LAMA2: variants seen among roughly 807,000 people sequenced by gnomAD.
The protein encoded by LAMA2 is laminin subunit alpha 2, also known as laminin subunit alpha-2.
In LAMA2, 269 loss-of-function variants were observed where a neutral mutation model predicts 364.8. The ratio of observed to expected loss-of-function variants is 0.74; its 90% CI spans 0.67 to 0.82. LAMA2 has a LOEUF of 0.82. Among genes scored for constraint, LAMA2 ranks in the 40% least tolerant of loss-of-function variants. The pLI is 0.00. For synonymous variants in LAMA2, 1,379 were observed against 1,370.6 expected (o/e 1.01, Z -0.14); for missense variants, 3,807 against 3,873.2 (o/e 0.98, Z 0.45).
chr6:129,191,636 G>A (rs1023563900), intron 11 of LAMA2, among the ~76,000 whole-genome samples: 5 of 148,490 alleles, frequency 3.4e-5, no homozygotes, highest in African/African-American at 1.3e-4. Flanking sequence ...TATATTACTT[G>A]TTGTCCAGAA....
At chr6:129,045,875 C>G (rs984506933) in intron 1 of LAMA2, among the ~76,000 whole-genome samples, 1 of 152,148 alleles carries the variant, frequency 6.6e-6, no homozygotes, top group African/African-American at 2.4e-5. Flanking sequence ...TTACCCATAC[C>G]TGCAAAACAG....
rs34997144 is a variant in LAMA2 at position 129,492,363 on chromosome 6, T to A, written c.8124T>A (p.Gly2708=). Residue 2708 remains glycine, a synonymous_variant, in exon 58 of 65, where the codon GGT becomes GGA. Coordinates refer to ENST00000421865, the MANE Select transcript of LAMA2 (RefSeq NM_000426.4). ...RPVSFKNADI[G]RCAHQKLRED... ...TGTCCTTCAAAAATGCTGACATTGG[T>A]CGCTGTGCCCATCAGAAACTCCGTG... is the stretch of plus-strand genomic sequence containing the variant. 3.2e-3 allele frequency: 5,132 copies of A among 1,614,160 alleles called. 101 individuals carry two copies. The African/African-American group carries it at 0.052, about 16-fold the overall frequency.
intron 62 of LAMA2, among the ~76,000 whole-genome samples, chr6:129,510,134 A>T (rs1171297291): frequency 6.6e-6 from 1 of 152,188 alleles, no homozygotes; most frequent in African/African-American, 2.4e-5. Flanking sequence ...CAGTCAGACA[A>T]GAGAAAAAAG....
At chr6:129,398,098 T>C (rs17057251) in intron 37 of LAMA2, among the ~76,000 whole-genome samples, 16,321 of 152,214 alleles carry the variant, frequency 0.11, 1,482 homozygotes, top group East Asian at 0.47. Context: ...AACACACGTG[T>C]GGAAATATCT....
chr6:128,921,760 G>A (rs558004028), intron 1 of LAMA2, among the ~76,000 whole-genome samples: 219 of 149,000 alleles, frequency 1.5e-3, no homozygotes, highest in African/African-American at 5.1e-3. Context: ...ACAATGTGCC[G>A]ATTAGTTACA....
At chr6:129,118,209 T>C (rs1290556265) in intron 4 of LAMA2, among the ~76,000 whole-genome samples, 1 of 152,246 alleles carries the variant, frequency 6.6e-6, no homozygotes, top group Non-Finnish European at 1.5e-5. Flanking sequence ...AGCATTGTGC[T>C]GGAGAAGAAT....
At chr6:129,375,046 G>A (rs1778295700) in intron 34 of LAMA2, among the ~76,000 whole-genome samples, 2 of 151,940 alleles carry the variant, frequency 1.3e-5, no homozygotes, top group Admixed American at 1.3e-4. Flanking sequence ...TATACTCATT[G>A]TTTTTAAATG....
intron 1 of LAMA2, among the ~76,000 whole-genome samples, chr6:128,892,217 A>T (rs2114387514): frequency 6.6e-6 from 1 of 152,162 alleles, no homozygotes; most frequent in Admixed American, 6.5e-5. Flanking sequence ...TATTTATCTC[A>T]TTGCCAAGAG....
chr6:129,178,889 T>C (rs1237379110), intron 10 of LAMA2, among the ~76,000 whole-genome samples: 1 of 151,964 alleles, frequency 6.6e-6, no homozygotes, highest in Non-Finnish European at 1.5e-5. Context: ...ATAATAATAA[T>C]AGTTACATAA....
chr6:128,920,095 T>A (rs752110471), intron 1 of LAMA2, among the ~76,000 whole-genome samples: 1 of 152,154 alleles, frequency 6.6e-6, no homozygotes, highest in Admixed American at 6.6e-5. Flanking sequence ...CATAATGTTG[T>A]CACTGCCTAA....
intron 52 of LAMA2, among the ~76,000 whole-genome samples, chr6:129,474,608 C>T (rs1303819319): frequency 1.3e-5 from 2 of 152,086 alleles, no homozygotes; most frequent in Non-Finnish European, 2.9e-5. Flanking sequence ...CTAAGATTTG[C>T]TTTACAAGAT....
At chr6:129,328,539 T>C in intron 29 of LAMA2, 127 bp downstream of exon 29, 1 of 1,457,998 alleles carries the variant, frequency 6.9e-7, no homozygotes, top group Non-Finnish European at 9.5e-7. Context: ...ATAAAATATG[T>C]AAGGGAAAAA....
chr6:129,329,016 G>T (rs559946934), intron 29 of LAMA2, among the ~76,000 whole-genome samples: 96 of 152,030 alleles, frequency 6.3e-4, no homozygotes, highest in African/African-American at 2.1e-3. Flanking sequence ...GTTTCTGCTG[G>T]CACCCTGCAC....
At position 129,412,878 on chromosome 6, in the gene LAMA2, C is replaced by A. The variant is rs560471617; in HGVS notation, c.5865+8919C>A. On this transcript the variant is annotated intron_variant, in intron 40 of 64. Transcript: ENST00000421865. ...GTCATTGACCAGAAGTAGCCGTGTG[C>A]CCCAAGCTAACTGTAAGGGAGGTCT... 1.7e-4 allele frequency among the ~76,000 whole-genome samples: 26 copies of A among 152,162 alleles called. 1 individual carries two copies. The highest frequency in any genetic ancestry group is 3.1e-4 in the Non-Finnish European group (21 of 68,038).
In LAMA2 at chr6:128,930,660, C is replaced by T. The variant is rs193022867; in HGVS notation, c.112+47303C>T. 1.2e-3 allele frequency among the ~76,000 whole-genome samples: 179 copies of T among 152,296 alleles called. 1 individual carries two copies. Among genetic ancestry groups the T allele is most frequent in the Non-Finnish European group, 2.1e-3 (142 of 68,020 alleles). On this transcript the variant is annotated intron_variant, in intron 1 of 64. Transcript: ENST00000421865. ...GACTTTGGAGTCTGCAGTTATACAG[C>T]ATCCTAGCCTGTCCTGACTGATATG...
intron 1 of LAMA2, among the ~76,000 whole-genome samples, chr6:129,009,860 G>A (rs1479287555): frequency 6.6e-6 from 1 of 152,130 alleles, no homozygotes; most frequent in Non-Finnish European, 1.5e-5. Context: ...CATGACGGGA[G>A]TATGCTTTCT....
chr6:129,009,692 A>C (rs1784649075), intron 1 of LAMA2, among the ~76,000 whole-genome samples: 1 of 152,200 alleles, frequency 6.6e-6, no homozygotes, highest in South Asian at 2.1e-4. Flanking sequence ...TTTAAAATTT[A>C]AACCCTTGAA....
chr6:129,312,540 A>G (rs1419649272), intron 22 of LAMA2, among the ~76,000 whole-genome samples: 1 of 152,226 alleles, frequency 6.6e-6, no homozygotes, highest in Non-Finnish European at 1.5e-5. Flanking sequence ...TTTGTCTAAA[A>G]TTTAATCTTT....
Position 129,403,962 on chromosome 6 carries a change from A to G in LAMA2, c.5865+3A>G. 1 of 1,613,874 alleles carries G rather than the reference A, an allele frequency of 6.2e-7. No individual in the cohort carries two copies. The highest frequency in any genetic ancestry group is 8.5e-7 in the Non-Finnish European group (1 of 1,179,824). On this transcript the variant is annotated splice_donor_region_variant and intron_variant, in intron 40 of 64. Coordinates refer to ENST00000421865, the MANE Select transcript of LAMA2 (RefSeq NM_000426.4). Reference sequence around the variant, plus strand: ...TTGCACATGAAGCTACAAAACTGGTAAGAAACAAATGGCACATGTGCTGGG... The same window carrying G: ...TTGCACATGAAGCTACAAAACTGGTGAGAAACAAATGGCACATGTGCTGGG...
Sources: gnomAD v4.1 joint callset for allele counts (sites outside exome capture counted in the v4.1 genomes callset) on GRCh38, gnomAD v4.1.1 for gene constraint, MANE v1.5 for transcripts, NCBI Gene and HGNC (gene_info 2026-07-23, HGNC 2026-07-21) for gene names.